PBRM1: variants seen among roughly 807,000 people sequenced by gnomAD.
The protein encoded by PBRM1 is protein polybromo-1.
In PBRM1, 27 loss-of-function variants were observed where a neutral mutation model predicts 194.5. The ratio of observed to expected loss-of-function variants is 0.14; its 90% CI spans 0.10 to 0.19. The LOEUF (loss-of-function observed/expected upper bound fraction) is 0.19, where lower values mean the gene tolerates loss of function less well. Ranked by LOEUF, PBRM1 falls within the 10% of genes least tolerant of loss-of-function variation. The pLI is 1.00. For synonymous variants in PBRM1, 655 were observed against 693.2 expected (o/e 0.94, Z 0.87); for missense variants, 1,466 against 2,077.2 (o/e 0.71, Z 5.72).
exon 20 of PBRM1, chr3:52,586,472 C>T (rs2153765493): frequency 6.2e-7 from 1 of 1,614,058 alleles, no homozygotes; most frequent in Non-Finnish European, 8.5e-7. Flanking sequence ...TCTGAGTTGT[C>T]TGTATTCTTC....
rs1156601314 is a variant in PBRM1, at chr3:52,675,378, ACT to A, written c.236+3120_236+3121del. ...TAACTTATTCTATGAAGCTAGCATT[ACT>A]CTGATACCAAAGCCAGACAAAGATA... On this transcript the variant is annotated intron_variant, in intron 2 of 29. Transcript: ENST00000296302. Among the ~76,000 whole-genome samples the A allele has an allele frequency of 3.9e-5, 6 of 152,232 alleles. No homozygotes were observed. The South Asian group carries it at 1.2e-3, about 32-fold the overall frequency.
At chr3:52,661,808 C>T (rs2096731125) in intron 4 of PBRM1, among the ~76,000 whole-genome samples, 1 of 152,210 alleles carries the variant, frequency 6.6e-6, no homozygotes, top group Non-Finnish European at 1.5e-5. Context: ...ACAACACTGC[C>T]TTTCCTTACA....
chr3:52,651,181 T>C (rs1460425681), intron 6 of PBRM1, among the ~76,000 whole-genome samples: 2 of 152,232 alleles, frequency 1.3e-5, no homozygotes, highest in African/African-American at 4.8e-5. Flanking sequence ...GCTAGGTACA[T>C]AGCAAGTCTA....
At chr3:52,597,264 A>G (rs1237771014) in intron 17 of PBRM1, among the ~76,000 whole-genome samples, 3 of 152,108 alleles carry the variant, frequency 2.0e-5, no homozygotes, top group East Asian at 1.9e-4. Context: ...TGTTTACCTG[A>G]TTTTTGGTTC....
chr3:52,642,096 G>T (rs2096115166), intron 9 of PBRM1, 51 bp from the exon 11 acceptor site: 1 of 969,718 alleles, frequency 1.0e-6, no homozygotes, highest in South Asian at 1.3e-5. Flanking sequence ...ATAATAATTA[G>T]GTTACTTTAC....
At chr3:52,597,334 G>A (rs1172807037) in intron 17 of PBRM1, among the ~76,000 whole-genome samples, 1 of 152,112 alleles carries the variant, frequency 6.6e-6, no homozygotes, top group Admixed American at 6.5e-5. Flanking sequence ...CTGTGGGGAG[G>A]ACAATTGGTG....
chr3:52,611,833 A>G (rs2094627770), intron 15 of PBRM1, among the ~76,000 whole-genome samples: 1 of 152,044 alleles, frequency 6.6e-6, no homozygotes, highest in African/African-American at 2.4e-5. Flanking sequence ...CAAAACACAC[A>G]AAAAACCCCA....
chr3:52,681,572 G>C (rs1345028178), upstream of PBRM1: 2 of 205,546 alleles, frequency 9.7e-6, no homozygotes, highest in Non-Finnish European at 1.8e-5. Context: ...AAAGACACAA[G>C]TGAATTTGAT....
intron 21 of PBRM1, among the ~76,000 whole-genome samples, chr3:52,578,158 G>A (rs572936313): frequency 6.6e-6 from 1 of 152,110 alleles, no homozygotes; most frequent in Admixed American, 6.5e-5. Context: ...TCTCAGTGAG[G>A]CCTATATAAA....
At chr3:52,576,109 C>G (rs1390736366) in intron 22 of PBRM1, among the ~76,000 whole-genome samples, 1 of 151,798 alleles carries the variant, frequency 6.6e-6, no homozygotes, top group East Asian at 1.9e-4. Context: ...ATTAAATGTA[C>G]CAACGTTAAG....
At chr3:52,616,302 T>C (rs1406476849) in intron 14 of PBRM1, among the ~76,000 whole-genome samples, 1 of 152,258 alleles carries the variant, frequency 6.6e-6, no homozygotes, top group African/African-American at 2.4e-5. Flanking sequence ...AATGTTATTT[T>C]ATTTCTGGGA....
chr3:52,601,131 A>C (rs1487261418), intron 17 of PBRM1, among the ~76,000 whole-genome samples: 1 of 152,206 alleles, frequency 6.6e-6, no homozygotes, highest in Non-Finnish European at 1.5e-5. Context: ...CTGAAGATGT[A>C]TCTGTGGTGT....
chr3:52,583,096 CAAAAA>C (rs1157790825), intron 20 of PBRM1, among the ~76,000 whole-genome samples: 26 of 62,038 alleles, frequency 4.2e-4, no homozygotes, highest in African/African-American at 1.1e-3. Context: ...GACTCCATCT[CAAAAA>C]AAAAAAAAAA....
rs189394636 is a variant in PBRM1 at position 52,557,633 on chromosome 3, C to G, written c.4453+616G>C. Among the ~76,000 whole-genome samples, 133 of 144,640 alleles carry G rather than the reference C, an allele frequency of 9.2e-4. No individual in the cohort carries two copies. In the Middle Eastern group the frequency reaches 0.011, roughly 12 times the overall value. 94.9% of individuals were successfully genotyped at this position (144,640 alleles called of 152,430 possible). ...TCATTTTCTTTTTCTTTTTTTTTTT[C>G]TTAAATATGTGACTGGGATACTAAC... On this transcript the variant is annotated intron_variant, in intron 26 of 29. Transcript: ENST00000296302.
chr3:52,605,706 G>A (rs909517663), intron 16 of PBRM1, among the ~76,000 whole-genome samples: 6 of 150,624 alleles, frequency 4.0e-5, no homozygotes, highest in African/African-American at 1.5e-4. Flanking sequence ...AGGTTCAAGC[G>A]ATTCTCCTGC....
intron 22 of PBRM1, among the ~76,000 whole-genome samples, chr3:52,569,677 G>A (rs1011899850): frequency 2.6e-5 from 4 of 152,186 alleles, no homozygotes; most frequent in Admixed American, 6.5e-5. Flanking sequence ...ATTTGTTCAA[G>A]CATTCATTCA....
chr3:52,659,007 A>T (rs2096663822), intron 4 of PBRM1, among the ~76,000 whole-genome samples: 1 of 151,886 alleles, frequency 6.6e-6, no homozygotes, highest in Non-Finnish European at 1.5e-5. Context: ...CAGGACAATG[A>T]CTACTTACAG....
intron 10 of PBRM1, among the ~76,000 whole-genome samples, chr3:52,641,465 A>AAAAAAAAAAAG (rs1560665000): frequency 1.4e-4 from 18 of 131,254 alleles, no homozygotes; most frequent in East Asian, 2.0e-4. Context: ...AAAAAAAAAG[A>AAAAAAAAAAAG]AAAAAAAAAG....
intron 16 of PBRM1, among the ~76,000 whole-genome samples, chr3:52,604,822 T>C (rs1455848090): frequency 6.6e-6 from 1 of 151,980 alleles, no homozygotes; most frequent in Non-Finnish European, 1.5e-5. Flanking sequence ...AAACTGATGG[T>C]GCACACATGT....
Sources: gnomAD v4.1 joint callset for allele counts (sites outside exome capture counted in the v4.1 genomes callset) on GRCh38, gnomAD v4.1.1 for gene constraint, MANE v1.5 for transcripts, NCBI Gene and HGNC (gene_info 2026-07-23, HGNC 2026-07-21) for gene names.